Variants in LYPD5 observed in about 807,000 individuals in gnomAD.
The protein encoded by LYPD5 is ly6/PLAUR domain-containing protein 5.
LYPD5 carries 21 observed loss-of-function variants against 19.1 expected under a neutral mutation model. That is an observed-to-expected ratio of 1.10 (90% CI 0.78 to 1.58). LYPD5 has a LOEUF of 1.58. Ranked by LOEUF, LYPD5 falls within the 40% of genes most tolerant of loss-of-function variation. The pLI is 0.00. For missense variants in LYPD5, 287 were observed against 329.8 expected (o/e 0.87, Z 1.00); for synonymous variants, 128 against 142.7 (o/e 0.90, Z 0.74).
In LYPD5 at chr19:43,797,383, C is replaced by A; in HGVS notation, c.*208G>T. ...ATCGGGGCACGACATGGCTGTTTTGCCCTCCCCGGGGATGCTGGTGACTGT... is the reference window on the plus strand; with the variant it reads ...ATCGGGGCACGACATGGCTGTTTTGACCTCCCCGGGGATGCTGGTGACTGT... On this transcript the variant is annotated 3_prime_UTR_variant, in exon 5 of 5. Coordinates refer to ENST00000377950, the MANE Select transcript of LYPD5 (RefSeq NM_001031749.3). The A allele has an allele frequency of 3.6e-6, 2 of 551,580 alleles. No homozygotes were observed. Among genetic ancestry groups the A allele is most frequent in the Non-Finnish European group, 6.4e-6 (2 of 311,528 alleles). 34.2% of individuals were successfully genotyped at this position (551,580 alleles called of 1,614,324 possible). A position where few individuals can be genotyped will look rare whatever the true frequency, so the allele number is the denominator to read the frequency against.
intron 1 of LYPD5, 96 bp from the exon 2 acceptor site, chr19:43,799,930 G>A: frequency 7.1e-7 from 1 of 1,405,012 alleles, no homozygotes; most frequent in South Asian, 1.4e-5. Flanking sequence ...CACGGGCCTG[G>A]CCCCTCTGCT....
At chr19:43,798,209 A>AAACCTTCTCCCTCAGACCAGGGTCT (rs1970162718) in intron 4 of LYPD5, among the ~76,000 whole-genome samples, 4 of 143,594 alleles carry the variant, frequency 2.8e-5, no homozygotes, top group African/African-American at 2.7e-5. Flanking sequence ...GACCAGGGTC[A>AAACCTTCTCCCTCAGACCAGGGTCT]TGCCTCCTCC....
At chr19:43,816,060 A>G (rs909596984) in intron 1 of LYPD5, among the ~76,000 whole-genome samples, 5 of 151,822 alleles carry the variant, frequency 3.3e-5, no homozygotes, top group Non-Finnish European at 5.9e-5. Context: ...CTATCTATCT[A>G]TCTATCTATC....
At position 43,797,224 on chromosome 19, in the gene LYPD5, T is replaced by C. The variant is rs1970142758; in HGVS notation, c.*367A>G. The C allele has an allele frequency of 4.8e-6, 1 of 210,378 alleles. No homozygotes were observed. The highest frequency in any genetic ancestry group is 9.4e-6 in the Non-Finnish European group (1 of 105,830). The allele number at this position is 210,378 out of a possible 1,614,324, so 13.0% of individuals were successfully genotyped here. ...ATTGGGCTTCTCATGATGACACTAA[T>C]AAAGACATCATTGTATAGCTCCCTC... On this transcript the variant is annotated 3_prime_UTR_variant, in exon 5 of 5. Transcript: ENST00000377950.
At chr19:43,800,834 G>A (rs1319401424) in intron 1 of LYPD5, among the ~76,000 whole-genome samples, 1 of 151,698 alleles carries the variant, frequency 6.6e-6, no homozygotes, top group African/African-American at 2.4e-5. Context: ...GGTGGTGCAC[G>A]CCTGTGGTCC....
chr19:43,800,449 A>G (rs1970207758), intron 1 of LYPD5, among the ~76,000 whole-genome samples: 1 of 152,214 alleles, frequency 6.6e-6, no homozygotes, highest in South Asian at 2.1e-4. Flanking sequence ...ACTAAGGCAC[A>G]GCACTTCACA....
intron 2 of LYPD5, 111 bp downstream of exon 2, chr19:43,799,595 T>G: frequency 3.4e-6 from 4 of 1,180,648 alleles, no homozygotes; most frequent in East Asian, 2.8e-5. Context: ...CTCCCCATCT[T>G]TCTATCTTTA....
chr19:43,798,331 G>A (rs1970165667), intron 4 of LYPD5, 124 bp downstream of exon 4: 3 of 1,254,306 alleles, frequency 2.4e-6, no homozygotes, highest in Non-Finnish European at 2.3e-6. Context: ...TCAGACCAGG[G>A]TCATGCCTCC....
intron 1 of LYPD5, among the ~76,000 whole-genome samples, chr19:43,808,709 C>G (rs28656222): frequency 6.4e-4 from 97 of 152,228 alleles, no homozygotes; most frequent in African/African-American, 2.3e-3. Context: ...ATTTTTTCCC[C>G]TTGCAACTTT....
upstream of LYPD5, among the ~76,000 whole-genome samples, chr19:43,803,923 C>T (rs538195549): frequency 5.3e-5 from 8 of 152,086 alleles, no homozygotes; most frequent in Non-Finnish European, 8.8e-5. Flanking sequence ...CTGCAAGCTC[C>T]GCCTCCCAGG....
chr19:43,816,966 C>A (rs912680357), intron 1 of LYPD5, among the ~76,000 whole-genome samples: 4 of 152,108 alleles, frequency 2.6e-5, no homozygotes, highest in African/African-American at 9.7e-5. Flanking sequence ...GTGAGGCCTC[C>A]CCAGGCATGT....
intron 4 of LYPD5, 124 bp from the exon 5 acceptor site, chr19:43,797,953 A>G: frequency 1.3e-6 from 1 of 755,360 alleles, no homozygotes; most frequent in South Asian, 1.7e-5. Flanking sequence ...TCCTCCTAAG[A>G]CCAGGGCCAG....
At chr19:43,805,002 C>T (rs1030808089), upstream of LYPD5, among the ~76,000 whole-genome samples, 3 of 152,330 alleles carry the variant, frequency 2.0e-5, no homozygotes, top group Non-Finnish European at 2.9e-5. Context: ...TGTCAGCTCC[C>T]TGTACCTTTT....
At chr19:43,817,721 AT>A (rs201274723) in intron 1 of LYPD5, among the ~76,000 whole-genome samples, 29,180 of 145,478 alleles carry the variant, frequency 0.2, 2,771 homozygotes, top group Non-Finnish European at 0.22. Context: ...GACTTTATTT[AT>A]TTTTTTTTTT....
At chr19:43,816,671 G>C (rs1353883326) in intron 1 of LYPD5, among the ~76,000 whole-genome samples, 1 of 152,218 alleles carries the variant, frequency 6.6e-6, no homozygotes, top group African/African-American at 2.4e-5. Flanking sequence ...TAGTCACTAT[G>C]AATTAGCTTT....
upstream of LYPD5, among the ~76,000 whole-genome samples, chr19:43,807,287 C>CTT (rs71903986): frequency 0.033 from 3,822 of 116,976 alleles, 187 homozygotes; most frequent in African/African-American, 0.1. Flanking sequence ...TTTTCTTTTT[C>CTT]TTTTTTTTTT....
chr19:43,807,439 A>T (rs1236751901), upstream of LYPD5, among the ~76,000 whole-genome samples: 1 of 151,566 alleles, frequency 6.6e-6, no homozygotes, highest in African/African-American at 2.4e-5. Flanking sequence ...GCCTGCCACC[A>T]CGCCCAGCTA....
chr19:43,816,379 C>T (rs1970376583), intron 1 of LYPD5, among the ~76,000 whole-genome samples: 1 of 152,122 alleles, frequency 6.6e-6, no homozygotes, highest in Admixed American at 6.5e-5. Flanking sequence ...TGAACCAGTG[C>T]TATGTTCTTC....
chr19:43,797,563 C>A lies in LYPD5; in HGVS notation c.*28G>T. 1 of 1,525,082 alleles carries A rather than the reference C, an allele frequency of 6.6e-7. No homozygotes were observed. The allele number at this position is 1,525,082 out of a possible 1,614,324, so 94.5% of individuals were successfully genotyped here. A position where few individuals can be genotyped will look rare whatever the true frequency, so the allele number is the denominator to read the frequency against. ...AGCAGCAAGAATGAGGTGTGTGAGC[C>A]CTGTCCCCAGCATCCTGGAGGGGCG... On this transcript the variant is annotated 3_prime_UTR_variant, in exon 5 of 5. Transcript: ENST00000377950.
Sources: allele counts gnomAD v4.1 joint callset (sites outside exome capture counted in the v4.1 genomes callset), GRCh38; gene constraint gnomAD v4.1.1; transcripts MANE v1.5; gene names NCBI Gene and HGNC (gene_info 2026-07-23, HGNC 2026-07-21).